The following NAV3 variants were observed in gnomAD, a reference collection of about 807,000 sequenced individuals.
NAV3 encodes the protein neuron navigator 3, also known as pore membrane and/or filament interacting like protein 1.
NAV3 carries 87 observed loss-of-function variants against 244.7 expected under a neutral mutation model. The ratio of observed to expected loss-of-function variants is 0.36; its 90% CI spans 0.30 to 0.42. The LOEUF is 0.42. Among genes scored for constraint, NAV3 ranks in the 20% least tolerant of loss-of-function variants. NAV3 has a pLI of 1.00. For missense variants in NAV3, 2,663 were observed against 2,893.3 expected (o/e 0.92, Z 1.83); for synonymous variants, 1,126 against 1,042.2 (o/e 1.08, Z -1.55).
rs184952252 is a variant in NAV3 at position 78,156,290 on chromosome 12, G to A, written c.4786-2913G>A. On this transcript the variant is annotated intron_variant, in intron 22 of 39. Coordinates refer to ENST00000397909, the MANE Select transcript of NAV3 (RefSeq NM_001024383.2). ...ATTGCTTGTTTTTGTCAGGTTTGTC[G>A]AAGATCAGATGGTTGTAGGTGTTTT... Among the ~76,000 whole-genome samples the A allele has an allele frequency of 1.9e-4, 29 of 151,932 alleles. No homozygotes were observed. In the East Asian group the frequency reaches 2.5e-3, roughly 13 times the overall value.
At chr12:78,105,514 G>A (rs745699605) in intron 12 of NAV3, among the ~76,000 whole-genome samples, 14 of 152,014 alleles carry the variant, frequency 9.2e-5, no homozygotes, top group East Asian at 1.9e-4. Flanking sequence ...GCTCAGTTTC[G>A]TTATATGCTT....
intron 2 of NAV3, among the ~76,000 whole-genome samples, chr12:77,755,754 G>C (rs374107136): frequency 1.5e-5 from 2 of 133,684 alleles, no homozygotes; most frequent in Non-Finnish European, 3.2e-5. Flanking sequence ...TCTTTTCTTC[G>C]TCAGGGTCTT....
chr12:78,106,187 A>G (rs143398596), intron 12 of NAV3, among the ~76,000 whole-genome samples: 263 of 152,200 alleles, frequency 1.7e-3, no homozygotes, highest in African/African-American at 5.7e-3. Flanking sequence ...AGCCAAAAAA[A>G]TCAATAAAAC....
chr12:77,963,535 G>A (rs1490999322), intron 3 of NAV3, among the ~76,000 whole-genome samples: 1 of 152,154 alleles, frequency 6.6e-6, no homozygotes, highest in Non-Finnish European at 1.5e-5. Flanking sequence ...CTGATACATT[G>A]TGAGAAAATA....
At position 78,116,861 on chromosome 12, in the gene NAV3, G is replaced by C. The variant is rs1211773939; in HGVS notation, c.2726G>C (p.Ser909Thr). ...GACCTGAACACCACATCCTCTGTCA[G>C]CTCTTACTCCAACATCACCGTCCCC... ...TDDLNTTSSV[S>T]SYSNITVPSR... The change falls in exon 13 of 40, where the codon AGC becomes ACC. Residue 909 changes from serine (S) to threonine (T), a missense_variant. Ser to Thr is a moderately conservative substitution (Grantham distance 58). Coordinates refer to ENST00000397909, the MANE Select transcript of NAV3 (RefSeq NM_001024383.2). 1 of 1,613,374 alleles carries C rather than the reference G, an allele frequency of 6.2e-7. No individual in the cohort carries two copies. The highest frequency in any genetic ancestry group is 8.5e-7 in the Non-Finnish European group (1 of 1,179,584).
intron 2 of NAV3, among the ~76,000 whole-genome samples, chr12:77,658,621 A>G (rs1238007838): frequency 1.3e-5 from 2 of 152,160 alleles, no homozygotes; most frequent in Non-Finnish European, 1.5e-5. Flanking sequence ...TAAAGTTCAT[A>G]TGGAACCAAA....
At chr12:77,752,944 G>C (rs975968653) in intron 2 of NAV3, among the ~76,000 whole-genome samples, 1 of 152,106 alleles carries the variant, frequency 6.6e-6, no homozygotes, top group Non-Finnish European at 1.5e-5. Flanking sequence ...TTACCATATA[G>C]TTCTAACTTA....
At chr12:78,188,107 G>T in intron 31 of NAV3, 141 bp from the exon 32 acceptor site, 1 of 617,516 alleles carries the variant, frequency 1.6e-6, no homozygotes, top group Non-Finnish European at 2.8e-6. Context: ...TCCACCATGT[G>T]TGTCTGTTAC....
At chr12:78,133,558 C>A (rs1183562382) in intron 18 of NAV3, among the ~76,000 whole-genome samples, 1 of 151,270 alleles carries the variant, frequency 6.6e-6, no homozygotes, top group Non-Finnish European at 1.5e-5. Context: ...TTCTTTCTAC[C>A]AATTAAAATG....
chr12:77,765,374 A>G (rs1869687511), intron 2 of NAV3, among the ~76,000 whole-genome samples: 1 of 152,218 alleles, frequency 6.6e-6, no homozygotes. Context: ...CCAGTTACAT[A>G]TGCTATGGAG....
intron 5 of NAV3, among the ~76,000 whole-genome samples, chr12:77,987,453 G>C (rs528489725): frequency 6.6e-6 from 1 of 152,260 alleles, no homozygotes; most frequent in South Asian, 2.1e-4. Context: ...ATTGCTGCCA[G>C]TTATTAAGGA....
At chr12:78,114,782 C>G (rs757668675) in intron 12 of NAV3, among the ~76,000 whole-genome samples, 2 of 151,934 alleles carry the variant, frequency 1.3e-5, no homozygotes, top group South Asian at 4.2e-4. Context: ...ATTTGAGCAA[C>G]CACAAATGAC....
intron 12 of NAV3, among the ~76,000 whole-genome samples, chr12:78,108,192 A>G (rs1954905969): frequency 1.3e-5 from 2 of 152,162 alleles, no homozygotes; most frequent in African/African-American, 2.4e-5. Flanking sequence ...TAAGTCAAAA[A>G]GAGTAAAATA....
At chr12:77,938,080 C>A (rs1420683870) in intron 1 of NAV3, among the ~76,000 whole-genome samples, 2 of 152,116 alleles carry the variant, frequency 1.3e-5, no homozygotes, top group Non-Finnish European at 2.9e-5. Context: ...ATTCTCCTCA[C>A]CCTTGTGAAT....
chr12:78,069,827 T>C (rs61936203), intron 12 of NAV3, among the ~76,000 whole-genome samples: 14,463 of 151,990 alleles, frequency 0.095, 887 homozygotes, highest in South Asian at 0.2. Context: ...TGTATATATA[T>C]ACATACACAT....
chr12:77,970,821 T>A (rs1892939973), intron 5 of NAV3, among the ~76,000 whole-genome samples: 1 of 152,058 alleles, frequency 6.6e-6, no homozygotes, highest in Non-Finnish European at 1.5e-5. Context: ...TTCTGAAAAG[T>A]GCCAGAAATA....
intron 2 of NAV3, among the ~76,000 whole-genome samples, chr12:77,705,831 A>T (rs955830832): frequency 3.3e-5 from 5 of 151,462 alleles, no homozygotes; most frequent in Non-Finnish European, 5.9e-5. Flanking sequence ...AAAAGTTATT[A>T]TGGCTGGATT....
At chr12:78,203,380 A>G (rs1959938689) in intron 38 of NAV3, among the ~76,000 whole-genome samples, 1 of 152,124 alleles carries the variant, frequency 6.6e-6, no homozygotes, top group South Asian at 2.1e-4. Flanking sequence ...GTAGCATGCT[A>G]TATGTTACAT....
At chr12:77,741,148 C>CAAAAAAAAAAAAAAAAAAAAAAGAA in intron 2 of NAV3, among the ~76,000 whole-genome samples, 7 of 68,666 alleles carry the variant, frequency 1.0e-4, no homozygotes, top group African/African-American at 1.8e-4. Flanking sequence ...AAAAAAAAGA[C>CAAAAAAAAAAAAAAAAAAAAAAGAA]AAAAAAAAAA....
Sources: gnomAD v4.1 joint callset for allele counts (sites outside exome capture counted in the v4.1 genomes callset) on GRCh38, gnomAD v4.1.1 for gene constraint, MANE v1.5 for transcripts, NCBI Gene and HGNC (gene_info 2026-07-23, HGNC 2026-07-21) for gene names.